The following CFI variants were observed in gnomAD, a reference collection of about 807,000 sequenced individuals.
CFI encodes complement factor I.
A neutral mutation model predicts 78.8 loss-of-function variants in CFI; 66 were observed. That is an observed-to-expected ratio of 0.84 (90% CI 0.69 to 1.03). The LOEUF (loss-of-function observed/expected upper bound fraction) is 1.03, where lower values mean the gene tolerates loss of function less well. CFI is among the 50% of genes least tolerant of loss of function. The pLI is 0.00. For missense variants in CFI, 706 were observed against 704.5 expected, an observed-to-expected ratio of 1.00 and a Z score of -0.02; for synonymous variants, 250 against 232.6, an observed-to-expected ratio of 1.07 and a Z score of -0.68.
At chr4:109,763,183 A>C (rs1004262739) in intron 3 of CFI, among the ~76,000 whole-genome samples, 1 of 152,174 alleles carries the variant, frequency 6.6e-6, no homozygotes, top group Non-Finnish European at 1.5e-5. Flanking sequence ...TTATATCATC[A>C]TAGTGATTAA....
At chr4:109,791,422 C>T (rs886749951) in intron 1 of CFI, among the ~76,000 whole-genome samples, 1 of 151,882 alleles carries the variant, frequency 6.6e-6, no homozygotes, top group East Asian at 1.9e-4. Context: ...ATTTATTTTG[C>T]TGTGCAGAAG....
intron 1 of CFI, among the ~76,000 whole-genome samples, chr4:109,767,480 C>G (rs543584376): frequency 0.014 from 2,072 of 150,858 alleles, 24 homozygotes; most frequent in Middle Eastern, 0.031. Context: ...AGGATATGAA[C>G]AGACATTTCT....
At chr4:109,769,020 A>G (rs1484225329) in intron 1 of CFI, among the ~76,000 whole-genome samples, 1 of 152,166 alleles carries the variant, frequency 6.6e-6, no homozygotes, top group Non-Finnish European at 1.5e-5. Flanking sequence ...GGCACTTATT[A>G]GAGTTGGAAT....
In CFI at chr4:109,754,379, T is replaced by A. The variant is rs529432576; in HGVS notation, c.905-1876A>T. On this transcript the variant is annotated intron_variant, in intron 7 of 12. Coordinates refer to ENST00000394634, the MANE Select transcript of CFI (RefSeq NM_000204.5). ...AGGCTCCTCTCAGTTTGTACAGGTA[T>A]GGGTTAGCATTAGGCATCTGGGATG... 2.1e-3 allele frequency among the ~76,000 whole-genome samples: 300 copies of A among 142,822 alleles called. 1 individual carries two copies. The highest frequency in any genetic ancestry group is 7.2e-3 in the African/African-American group (277 of 38,494). 93.7% of individuals were successfully genotyped at this position (142,822 alleles called of 152,430 possible). A position where few individuals can be genotyped will look rare whatever the true frequency, so the allele number is the denominator to read the frequency against.
At chr4:109,735,010 A>T in the CFI span, among the ~76,000 whole-genome samples, 1 of 152,144 alleles carries the variant, frequency 6.6e-6, no homozygotes, top group Non-Finnish European at 1.5e-5. Context: ...AGGTGGGGGT[A>T]GCATGATCAT....
In CFI at chr4:109,790,609, G is replaced by A. The variant is rs553501543; in HGVS notation, c.57+11306C>T. ...CCTCCCAGCCTCCATCTTCTAATAG[G>A]CCCAGTGTGTCTGATAGGCCCCTCT... On this transcript the variant is annotated intron_variant, in intron 1 of 12. Transcript: ENST00000394634. Among the ~76,000 whole-genome samples the A allele has an allele frequency of 2.3e-4, 35 of 152,048 alleles. No individual in the cohort carries two copies. In the South Asian group the frequency reaches 7.1e-3, roughly 31 times the overall value.
chr4:109,752,458 G>C lies in CFI; in HGVS notation c.940+10C>G, dbSNP rs779430793. The stretch of plus-strand genomic sequence containing the variant: ...TGAGCCACCAATAAAAAAGTATAAC[G>C]TTAGCTTACCTGCATCCATGTCAGC... On this transcript the variant is annotated intron_variant, in intron 8 of 12. Transcript: ENST00000394634. 1.2e-6 allele frequency: 2 copies of C among 1,612,866 alleles called. No individual in the cohort carries two copies. The highest frequency in any genetic ancestry group is 2.2e-5 in the East Asian group (1 of 44,736).
intron 7 of CFI, among the ~76,000 whole-genome samples, chr4:109,753,664 G>T: frequency 1.0e-5 from 1 of 97,788 alleles, no homozygotes; most frequent in African/African-American, 4.4e-5. Context: ...ATTATATAAT[G>T]TATAATTTTA....
At chr4:109,788,116 G>A (rs1730971864) in intron 1 of CFI, among the ~76,000 whole-genome samples, 2 of 151,952 alleles carry the variant, frequency 1.3e-5, no homozygotes, top group African/African-American at 4.8e-5. Flanking sequence ...CCTATAATCA[G>A]CCCGCAAAGG....
chr4:109,734,399 T>A, the CFI span, among the ~76,000 whole-genome samples: 1 of 152,190 alleles, frequency 6.6e-6, no homozygotes, highest in African/African-American at 2.4e-5. Flanking sequence ...GAGGGCCGGA[T>A]ATTGACTACT....
chr4:109,756,953 GAAAGA>G (rs1561297957), intron 7 of CFI, among the ~76,000 whole-genome samples: 1 of 138,926 alleles, frequency 7.2e-6, no homozygotes, highest in African/African-American at 2.6e-5. Flanking sequence ...AAGAAAGAAA[GAAAGA>G]AAGAAAGAAA....
At chr4:109,752,604 A>G in intron 7 of CFI, 101 bp from the exon 8 acceptor site, 8 of 982,328 alleles carry the variant, frequency 8.1e-6, no homozygotes, top group Non-Finnish European at 1.3e-5. Flanking sequence ...TCTGCCTTAA[A>G]ACTTATCCTC....
chr4:109,781,239 A>G (rs1277339752), intron 1 of CFI, among the ~76,000 whole-genome samples: 2 of 152,186 alleles, frequency 1.3e-5, no homozygotes, highest in Non-Finnish European at 2.9e-5. Flanking sequence ...CTTTAAAAAT[A>G]TAAATAAAAT....
At chr4:109,752,423 C>A in intron 8 of CFI, 45 bp downstream of exon 8, 1 of 1,587,028 alleles carries the variant, frequency 6.3e-7, no homozygotes, top group Non-Finnish European at 8.7e-7. Context: ...GAAATTACAG[C>A]CTAAACCAGT....
chr4:109,746,845 A>G (rs1724536377), intron 10 of CFI, among the ~76,000 whole-genome samples: 1 of 152,212 alleles, frequency 6.6e-6, no homozygotes, highest in Non-Finnish European at 1.5e-5. Context: ...GCATCTTGCC[A>G]TAAATGTAGT....
chr4:109,753,063 T>G (rs1480551136), intron 7 of CFI, among the ~76,000 whole-genome samples: 3 of 22,178 alleles, frequency 1.4e-4, no homozygotes, highest in Non-Finnish European at 2.5e-4. Flanking sequence ...TATTTATATA[T>G]AAATAAATAT....
intron 1 of CFI, among the ~76,000 whole-genome samples, chr4:109,775,402 T>C (rs907287938): frequency 6.6e-6 from 1 of 152,150 alleles, no homozygotes; most frequent in Non-Finnish European, 1.5e-5. Context: ...CACTCATTGC[T>C]AGCACAGCAG....
chr4:109,739,723 G>A (rs1723598999), downstream of CFI, among the ~76,000 whole-genome samples: 1 of 152,142 alleles, frequency 6.6e-6, no homozygotes, highest in Admixed American at 6.5e-5. Context: ...TCACCGGACT[G>A]TAGGCAGGAT....
At position 109,761,798 on chromosome 4, in the gene CFI, T is replaced by C. The variant is rs1056078006; in HGVS notation, c.483-106A>G. Reference sequence around the variant, plus strand: ...TAGAGTAATGTCCTCTCATTCTCTATATAGGAGTTACAGCTTGGGCAAGAT... The same window carrying C: ...TAGAGTAATGTCCTCTCATTCTCTACATAGGAGTTACAGCTTGGGCAAGAT... On this transcript the variant is annotated intron_variant, in intron 3 of 12. Transcript: ENST00000394634. 4.9e-5 allele frequency: 45 copies of C among 912,728 alleles called. No individual in the cohort carries two copies. In the East Asian group the frequency reaches 1.0e-3, roughly 21 times the overall value. The allele number at this position is 912,728 out of a possible 1,614,324, so 56.5% of individuals were successfully genotyped here. A position where few individuals can be genotyped will look rare whatever the true frequency, so the allele number is the denominator to read the frequency against.
Sources: allele counts gnomAD v4.1 joint callset (sites outside exome capture counted in the v4.1 genomes callset), GRCh38; gene constraint gnomAD v4.1.1; transcripts MANE v1.5; gene names NCBI Gene and HGNC (gene_info 2026-07-23, HGNC 2026-07-21).